Variants in TTC21B observed in about 807,000 individuals in gnomAD.
TTC21B encodes tetratricopeptide repeat domain 21B, also known as tetratricopeptide repeat protein 21B.
TTC21B carries 127 observed loss-of-function variants against 175.1 expected under a neutral mutation model. That is an observed-to-expected ratio of 0.73 (90% CI 0.63 to 0.84). The LOEUF (loss-of-function observed/expected upper bound fraction) is 0.84. TTC21B is among the 40% of genes least tolerant of loss of function. The pLI is 0.00. For missense variants in TTC21B, 1,561 were observed against 1,558.3 expected, an observed-to-expected ratio of 1.00 and a Z score of -0.03; for synonymous variants, 524 against 524.5, an observed-to-expected ratio of 1.00 and a Z score of 0.01.
chr2:165,928,758 C>A, intron 11 of TTC21B: 2 of 185,782 alleles, frequency 1.1e-5, no homozygotes, highest in East Asian at 1.5e-4. Context: ...ACAGGAAACA[C>A]AGGCTAACAA....
chr2:165,921,064 T>G (rs901255226), intron 12 of TTC21B, among the ~76,000 whole-genome samples: 1 of 152,196 alleles, frequency 6.6e-6, no homozygotes, highest in Non-Finnish European at 1.5e-5. Flanking sequence ...TTATTCATTA[T>G]GGACCCTGAT....
chr2:165,950,871 G>A (rs780139599), intron 1 of TTC21B, among the ~76,000 whole-genome samples: 21 of 152,144 alleles, frequency 1.4e-4, no homozygotes, highest in Non-Finnish European at 2.8e-4. Flanking sequence ...GCCTCCCAAA[G>A]TGCTGAGATT....
chr2:165,889,949 A>G (rs986588131), intron 24 of TTC21B, among the ~76,000 whole-genome samples: 1 of 152,142 alleles, frequency 6.6e-6, no homozygotes, highest in African/African-American at 2.4e-5. Flanking sequence ...ATGCAGGTTG[A>G]TAAATAACCA....
chr2:165,939,848 A>G (rs1490962087), intron 6 of TTC21B, among the ~76,000 whole-genome samples: 1 of 152,194 alleles, frequency 6.6e-6, no homozygotes, highest in Non-Finnish European at 1.5e-5. Context: ...GTAAGAGCAC[A>G]GACTCTGGGA....
At chr2:165,881,745 G>C (rs1303003614) in intron 26 of TTC21B, among the ~76,000 whole-genome samples, 1 of 151,976 alleles carries the variant, frequency 6.6e-6, no homozygotes, top group Non-Finnish European at 1.5e-5. Context: ...ATGGATGCAT[G>C]TTTTTGTATA....
intron 15 of TTC21B, 138 bp downstream of exon 15, chr2:165,915,063 T>A: frequency 1.4e-6 from 1 of 726,924 alleles, no homozygotes; most frequent in Non-Finnish European, 2.4e-6. Context: ...CAGTTGGTGG[T>A]AGAAGGAATC....
intron 6 of TTC21B, chr2:165,934,747 A>AC (rs1559069869): frequency 6.6e-6 from 1 of 151,812 alleles, no homozygotes; most frequent in Non-Finnish European, 1.5e-5. Flanking sequence ...GCTTGAAAAA[A>AC]AAAATACACG....
At position 165,876,219 on chromosome 2, in the gene TTC21B, T is replaced by A; in HGVS notation, c.3819A>T (p.Ala1273=). ...ATCTTTTTGCTTTTAAGTAATTAAA[T>A]GCCAGTTTGTATCCTGTTAAGACAA... ...RTNPAVGYKL[A]FNYLKAKRYV... is the part of the protein sequence containing the mutation. Residue 1273 remains alanine, a synonymous_variant, in exon 28 of 29, where the codon GCA becomes GCT. Coordinates refer to ENST00000243344, the MANE Select transcript of TTC21B (RefSeq NM_024753.5). 6.3e-7 allele frequency: 1 copy of A among 1,592,962 alleles called. No homozygotes were observed. The highest frequency in any genetic ancestry group is 8.6e-7 in the Non-Finnish European group (1 of 1,161,830).
At chr2:165,928,292 C>T (rs1419104011) in intron 11 of TTC21B, among the ~76,000 whole-genome samples, 1 of 152,110 alleles carries the variant, frequency 6.6e-6, no homozygotes, top group Non-Finnish European at 1.5e-5. Flanking sequence ...TAGAGTCCTA[C>T]ATTTGAGTCC....
chr2:165,876,256 CAGA>C, intron 27 of TTC21B, 24 bp from the exon 28 acceptor site: 1 of 1,406,498 alleles, frequency 7.1e-7, no homozygotes, highest in Non-Finnish European at 1.0e-6. Flanking sequence ...AACCATAAAA[CAGA>C]ATGATGGAGT....
intron 28 of TTC21B, 54 bp downstream of exon 28, chr2:165,876,111 A>C: frequency 9.8e-7 from 1 of 1,021,776 alleles, no homozygotes; most frequent in Non-Finnish European, 1.5e-6. Flanking sequence ...GATTTAAAAA[A>C]GTAGGAAATT....
intron 22 of TTC21B, among the ~76,000 whole-genome samples, chr2:165,892,644 G>A (rs1423012575): frequency 6.6e-6 from 1 of 152,006 alleles, no homozygotes; most frequent in African/African-American, 2.4e-5. Context: ...GTGTGATACA[G>A]CTTACAGAGG....
At chr2:165,928,232 A>T (rs1251211208) in intron 11 of TTC21B, among the ~76,000 whole-genome samples, 1 of 152,164 alleles carries the variant, frequency 6.6e-6, no homozygotes, top group Non-Finnish European at 1.5e-5. Flanking sequence ...ATATGATAAC[A>T]TGGAATTATG....
rs1685075962 is a variant in TTC21B at position 165,888,317 on chromosome 2, G to A, written c.3421C>T (p.Gln1141Ter). The A allele has an allele frequency of 6.2e-7, 1 of 1,613,804 alleles. No homozygotes were observed. The highest frequency in any genetic ancestry group is 8.5e-7 in the Non-Finnish European group (1 of 1,179,796). The change falls in exon 25 of 29, where the codon CAA (glutamine) becomes TAA (stop). Residue 1141 changes from glutamine (Q) to a stop codon, truncating the protein, a stop_gained. Coordinates refer to ENST00000243344, the MANE Select transcript of TTC21B (RefSeq NM_024753.5). LOFTEE classifies it high-confidence loss of function. ...MATKQKSNVEQALNTFTEIAA... is the reference protein window; with the variant it reads ...MATKQKSNVE Reference sequence around the variant, plus strand: ...ATTTCAGTGAAGGTATTTAATGCTTGTTCAACATTAGATTTCTGTTTGGTA... The same window carrying A: ...ATTTCAGTGAAGGTATTTAATGCTTATTCAACATTAGATTTCTGTTTGGTA...
At chr2:165,948,692 T>G (rs1284080761) in intron 3 of TTC21B, 1 of 152,396 alleles carries the variant, frequency 6.6e-6, no homozygotes, top group African/African-American at 2.4e-5. Flanking sequence ...AACTATACAT[T>G]AAGACAGTTC....
chr2:165,923,333 A>G (rs1686490613), intron 12 of TTC21B, among the ~76,000 whole-genome samples: 1 of 152,230 alleles, frequency 6.6e-6, no homozygotes, highest in Non-Finnish European at 1.5e-5. Flanking sequence ...ATAACTATTC[A>G]TGAAAATACC....
intron 6 of TTC21B, among the ~76,000 whole-genome samples, chr2:165,939,221 C>T (rs771520646): frequency 3.3e-4 from 50 of 152,112 alleles, no homozygotes; most frequent in Admixed American, 3.9e-4. Context: ...AAATGATAGA[C>T]GATCTTAGCA....
At chr2:165,891,820 T>C (rs1418820369) in intron 22 of TTC21B, among the ~76,000 whole-genome samples, 4 of 152,094 alleles carry the variant, frequency 2.6e-5, no homozygotes, top group Admixed American at 2.6e-4. Context: ...ATCACCATAT[T>C]TCCAGCTAAA....
At chr2:165,905,907 A>G (rs1392772013) in intron 19 of TTC21B, among the ~76,000 whole-genome samples, 3 of 152,156 alleles carry the variant, frequency 2.0e-5, no homozygotes, top group African/African-American at 4.8e-5. Flanking sequence ...TCCACATGGA[A>G]CCTTTACCAA....
Sources: gnomAD v4.1 joint callset for allele counts (sites outside exome capture counted in the v4.1 genomes callset) on GRCh38, gnomAD v4.1.1 for gene constraint, MANE v1.5 for transcripts, NCBI Gene and HGNC (gene_info 2026-07-23, HGNC 2026-07-21) for gene names.